Variants in SLC44A5 observed in about 807,000 individuals in gnomAD.
The protein encoded by SLC44A5 is choline transporter-like protein 5.
In SLC44A5, 57 loss-of-function variants were observed where a neutral mutation model predicts 101.8. The ratio of observed to expected loss-of-function variants is 0.56; its 90% CI spans 0.45 to 0.70. SLC44A5 has a LOEUF of 0.70. SLC44A5 is among the 30% of genes least tolerant of loss of function. The probability of loss-of-function intolerance (pLI) is 0.00; values close to 1 mark genes in which losing one functional copy is unlikely to be tolerated. For synonymous variants in SLC44A5, 281 were observed against 290.9 expected, an observed-to-expected ratio of 0.97 and a Z score of 0.35; for missense variants, 737 against 853.1, an observed-to-expected ratio of 0.86 and a Z score of 1.70.
chr1:75,270,259 G>T (rs1017076154), intron 6 of SLC44A5, among the ~76,000 whole-genome samples: 3 of 151,924 alleles, frequency 2.0e-5, no homozygotes, highest in Non-Finnish European at 4.4e-5. Flanking sequence ...ACTGCTGAAA[G>T]TCCAAATATA....
chr1:75,512,048 T>C (rs1669595146), intron 2 of SLC44A5, among the ~76,000 whole-genome samples: 1 of 152,192 alleles, frequency 6.6e-6, no homozygotes. Context: ...AGCAATCAAG[T>C]TGATGTGCTA....
chr1:75,456,098 G>T (rs1420991155), intron 2 of SLC44A5, among the ~76,000 whole-genome samples: 4 of 152,110 alleles, frequency 2.6e-5, no homozygotes, highest in African/African-American at 4.8e-5. Flanking sequence ...ACAAAGACAT[G>T]AAATCAACCC....
chr1:75,666,060 G>C, the SLC44A5 span, among the ~76,000 whole-genome samples: 31 of 152,222 alleles, frequency 2.0e-4, no homozygotes, highest in African/African-American at 4.1e-4. Flanking sequence ...AAAGCAATTT[G>C]GAGATTTCTC....
At chr1:75,573,672 T>C (rs1673207845) in intron 1 of SLC44A5, among the ~76,000 whole-genome samples, 1 of 152,130 alleles carries the variant, frequency 6.6e-6, no homozygotes, top group African/African-American at 2.4e-5. Flanking sequence ...CCCAACCCCA[T>C]ATAAGCTCTA....
intron 1 of SLC44A5, among the ~76,000 whole-genome samples, chr1:75,543,608 T>TAC (rs57859064): frequency 0.048 from 5,747 of 119,212 alleles, 162 homozygotes; most frequent in Non-Finnish European, 0.076. Context: ...TATATATATA[T>TAC]ACACACACAC....
chr1:75,385,322 A>C (rs1661233428), intron 3 of SLC44A5, among the ~76,000 whole-genome samples: 1 of 149,162 alleles, frequency 6.7e-6, no homozygotes, highest in Non-Finnish European at 1.5e-5. Flanking sequence ...AAGACTAATA[A>C]AGAAAAAAAG....
At chr1:75,493,486 A>G (rs756423875) in intron 2 of SLC44A5, among the ~76,000 whole-genome samples, 1 of 152,200 alleles carries the variant, frequency 6.6e-6, no homozygotes, top group Non-Finnish European at 1.5e-5. Context: ...TAAATCAGCA[A>G]CAAGCAGCAA....
At chr1:75,518,608 A>G (rs1442153427) in intron 2 of SLC44A5, among the ~76,000 whole-genome samples, 1 of 152,248 alleles carries the variant, frequency 6.6e-6, no homozygotes. Context: ...AACATACGAT[A>G]TAATTAAACT....
chr1:75,622,179 A>T, the SLC44A5 span, among the ~76,000 whole-genome samples: 1 of 152,118 alleles, frequency 6.6e-6, no homozygotes, highest in East Asian at 1.9e-4. Context: ...AAAGATATGA[A>T]ATTCAGAAAC....
chr1:75,239,904 G>A (rs1212454851), intron 9 of SLC44A5, among the ~76,000 whole-genome samples: 1 of 151,878 alleles, frequency 6.6e-6, no homozygotes, highest in Non-Finnish European at 1.5e-5. Context: ...ATACTCCTTG[G>A]CATATTGAAA....
At chr1:75,653,406 C>T in the SLC44A5 span, among the ~76,000 whole-genome samples, 111 of 152,160 alleles carry the variant, frequency 7.3e-4, 1 homozygote, top group African/African-American at 2.3e-3. Context: ...CACTTGAATC[C>T]GGGAGGCAGA....
chr1:75,629,791 C>T, the SLC44A5 span, among the ~76,000 whole-genome samples: 2 of 152,054 alleles, frequency 1.3e-5, no homozygotes, highest in Non-Finnish European at 2.9e-5. Flanking sequence ...CCAGCCAGTG[C>T]TTCATGATAT....
chr1:75,225,321 T>C (rs1465910856), intron 13 of SLC44A5, among the ~76,000 whole-genome samples: 3 of 152,206 alleles, frequency 2.0e-5, no homozygotes, highest in Non-Finnish European at 4.4e-5. Flanking sequence ...CTATACCATC[T>C]AGGTTTGCAT....
chr1:75,491,785 C>G (rs939673370), intron 2 of SLC44A5, among the ~76,000 whole-genome samples: 4 of 152,036 alleles, frequency 2.6e-5, no homozygotes, highest in Admixed American at 2.0e-4. Flanking sequence ...ATCACAGGAT[C>G]TGCAGGAAAA....
At chr1:75,368,228 A>C (rs1659988721) in intron 3 of SLC44A5, among the ~76,000 whole-genome samples, 1 of 152,216 alleles carries the variant, frequency 6.6e-6, no homozygotes, top group South Asian at 2.1e-4. Context: ...CAATCAGTAC[A>C]AAGTTCTTAT....
At chr1:75,579,826 T>TACACACACACACACACACACACACACAC (rs6143284) in intron 1 of SLC44A5, among the ~76,000 whole-genome samples, 2 of 149,962 alleles carry the variant, frequency 1.3e-5, no homozygotes, top group African/African-American at 2.4e-5. Context: ...TTCAACTATC[T>TACACACACACACACACACACACACACAC]ACACACACAC....
intron 2 of SLC44A5, among the ~76,000 whole-genome samples, chr1:75,497,532 T>C (rs1171660094): frequency 2.0e-5 from 3 of 152,060 alleles, no homozygotes; most frequent in Non-Finnish European, 4.4e-5. Flanking sequence ...TGTCATTATG[T>C]AGAATAAATA....
At chr1:75,362,852 A>G (rs937864199) in intron 3 of SLC44A5, among the ~76,000 whole-genome samples, 1 of 152,052 alleles carries the variant, frequency 6.6e-6, no homozygotes, top group African/African-American at 2.4e-5. Flanking sequence ...CCACGCGAGT[A>G]TAAGTACAAG....
chr1:75,568,929 A>C (rs1672923741), intron 1 of SLC44A5, among the ~76,000 whole-genome samples: 1 of 152,142 alleles, frequency 6.6e-6, no homozygotes, highest in Non-Finnish European at 1.5e-5. Flanking sequence ...ATCTCCTTAC[A>C]ATTTTAATTA....
Sources: allele counts gnomAD v4.1 joint callset (sites outside exome capture counted in the v4.1 genomes callset), GRCh38; gene constraint gnomAD v4.1.1; transcripts MANE v1.5; gene names NCBI Gene and HGNC (gene_info 2026-07-23, HGNC 2026-07-21).